Variants in UNC13C observed in about 807,000 individuals in gnomAD.
The protein encoded by UNC13C is protein unc-13 homolog C.
UNC13C carries 174 observed loss-of-function variants against 245.4 expected under a neutral mutation model. The ratio of observed to expected loss-of-function variants is 0.71; its 90% CI spans 0.63 to 0.80. The LOEUF is 0.80. Among genes scored for constraint, UNC13C ranks in the 30% least tolerant of loss-of-function variants. The pLI is 0.00. For synonymous variants in UNC13C, 992 were observed against 895.1 expected (o/e 1.11, Z -1.93); for missense variants, 2,829 against 2,602.9 (o/e 1.09, Z -1.89).
At chr15:54,205,646 GA>G (rs1026492591) in intron 4 of UNC13C, among the ~76,000 whole-genome samples, 1 of 151,992 alleles carries the variant, frequency 6.6e-6, no homozygotes, top group African/African-American at 2.4e-5. Context: ...TGGAGCAACA[GA>G]AAACAGGCCC....
At position 53,985,325 on chromosome 15, in the gene UNC13C, A is replaced by G. The variant is rs1420331862; in HGVS notation, c.-257+6398A>G. 2.2e-5 allele frequency among the ~76,000 whole-genome samples: 3 copies of G among 136,554 alleles called. No homozygotes were observed. In the East Asian group the frequency reaches 6.8e-4, roughly 31 times the overall value. 89.6% of individuals were successfully genotyped at this position (136,554 alleles called of 152,430 possible). A position where few individuals can be genotyped will look rare whatever the true frequency, so the allele number is the denominator to read the frequency against. On this transcript the variant is annotated intron_variant, in intron 1 of 32. Coordinates refer to ENST00000260323, the MANE Select transcript of UNC13C (RefSeq NM_001080534.3). ...GTATTCCATGGTGTATATGTGCCAC[A>G]TTTTCTTTTTTTTTTTCTTGGTTCT...
At chr15:54,071,396 A>G (rs1227331776) in intron 2 of UNC13C, among the ~76,000 whole-genome samples, 1 of 152,200 alleles carries the variant, frequency 6.6e-6, no homozygotes, top group African/African-American at 2.4e-5. Context: ...GGGTATTGTT[A>G]CTATTTTCTA....
At chr15:54,441,553 G>A (rs1039859441) in intron 19 of UNC13C, among the ~76,000 whole-genome samples, 16 of 151,996 alleles carry the variant, frequency 1.1e-4, no homozygotes, top group African/African-American at 3.9e-4. Flanking sequence ...TGTTCTATGT[G>A]TCTGTTTTCA....
chr15:54,629,944 G>A (rs972001991), downstream of UNC13C: 2 of 152,052 alleles, frequency 1.3e-5, no homozygotes, highest in African/African-American at 4.8e-5. Flanking sequence ...AAATTCTGTA[G>A]ACTCTGTTTT....
intron 23 of UNC13C, among the ~76,000 whole-genome samples, chr15:54,511,294 A>C (rs1380198799): frequency 6.6e-6 from 1 of 152,186 alleles, no homozygotes; most frequent in Non-Finnish European, 1.5e-5. Context: ...GAATACCAGC[A>C]TGTGGTCTTT....
intron 17 of UNC13C, among the ~76,000 whole-genome samples, chr15:54,379,433 T>C (rs898703908): frequency 1.3e-5 from 2 of 152,160 alleles, no homozygotes; most frequent in Admixed American, 6.6e-5. Flanking sequence ...ATTACTCTTG[T>C]TTCTAAAAAG....
chr15:54,382,627 A>C (rs2039751909), intron 17 of UNC13C, among the ~76,000 whole-genome samples: 1 of 152,054 alleles, frequency 6.6e-6, no homozygotes, highest in South Asian at 2.1e-4. Flanking sequence ...AAGATTTCAA[A>C]TAGTCTCATT....
Position 54,014,211 on chromosome 15 carries a change from T to A in UNC13C, c.1308T>A (p.Thr436=). The A allele has an allele frequency of 6.2e-7, 1 of 1,613,878 alleles. No individual in the cohort carries two copies. The change falls in exon 2 of 33, where the codon ACT becomes ACA. Residue 436 remains threonine (T), a synonymous_variant. Coordinates refer to ENST00000260323, the MANE Select transcript of UNC13C (RefSeq NM_001080534.3). ...AGAGCATGGCTATAAAGTTGTCTAC[T>A]CCAGAGCCAAAAATCAAGAAGAACA... ...TYESMAIKLS[T]PEPKIKKNNW... is the part of the protein sequence containing the mutation.
chr15:54,067,756 T>C (rs547692158), intron 2 of UNC13C, among the ~76,000 whole-genome samples: 7 of 152,226 alleles, frequency 4.6e-5, no homozygotes, highest in Non-Finnish European at 1.0e-4. Flanking sequence ...TCCTAAGTCC[T>C]GACACCTCTA....
intron 4 of UNC13C, among the ~76,000 whole-genome samples, chr15:54,204,315 A>AAC (rs1368145354): frequency 6.6e-6 from 1 of 150,840 alleles, no homozygotes; most frequent in African/African-American, 2.4e-5. Flanking sequence ...TGAAAAAAAA[A>AAC]AAAAAACCAA....
At position 54,574,855 on chromosome 15, in the gene UNC13C, A is replaced by AAGT. The variant is rs201455666; in HGVS notation, c.6106+6911_6106+6913dup. Among the ~76,000 whole-genome samples, 152 of 152,230 alleles carry AAGT rather than the reference A, an allele frequency of 1.0e-3. No individual in the cohort carries two copies. In the East Asian group the frequency reaches 0.011, roughly 11 times the overall value. On this transcript the variant is annotated intron_variant, in intron 30 of 32. Coordinates refer to ENST00000260323, the MANE Select transcript of UNC13C (RefSeq NM_001080534.3). The stretch of plus-strand genomic sequence containing the variant: ...CATTTTAATAACCTGTATCCTGCTG[A>AAGT]AGTAGAGTATAATGTATTTTAATTT...
intron 23 of UNC13C, among the ~76,000 whole-genome samples, chr15:54,509,791 C>G (rs1894653557): frequency 6.6e-6 from 1 of 152,128 alleles, no homozygotes; most frequent in Admixed American, 6.6e-5. Flanking sequence ...ATAATCTGTT[C>G]CCAGTAGCAG....
At chr15:54,413,016 T>C (rs935827447) in intron 18 of UNC13C, among the ~76,000 whole-genome samples, 8 of 152,176 alleles carry the variant, frequency 5.3e-5, no homozygotes, top group African/African-American at 1.9e-4. Flanking sequence ...CTTTTCAGCA[T>C]CTATTGAGAT....
chr15:53,999,405 T>C (rs1457372751), intron 1 of UNC13C, among the ~76,000 whole-genome samples: 1 of 151,974 alleles, frequency 6.6e-6, no homozygotes, highest in Non-Finnish European at 1.5e-5. Flanking sequence ...ACTGAATTTA[T>C]TGACATAAAG....
the UNC13C span, among the ~76,000 whole-genome samples, chr15:53,850,170 C>T: frequency 2.0e-5 from 3 of 152,140 alleles, no homozygotes; most frequent in East Asian, 5.8e-4. Flanking sequence ...AATCCTGACA[C>T]TTTGGGAGGA....
At chr15:54,468,877 G>T (rs1257735509) in intron 19 of UNC13C, among the ~76,000 whole-genome samples, 2 of 151,544 alleles carry the variant, frequency 1.3e-5, no homozygotes, top group Non-Finnish European at 3.0e-5. Flanking sequence ...ATCCAGTAGT[G>T]TGATGCTTCT....
chr15:54,151,393 G>GA (rs1405302683), intron 4 of UNC13C, among the ~76,000 whole-genome samples: 8 of 152,086 alleles, frequency 5.3e-5, no homozygotes, highest in African/African-American at 1.9e-4. Context: ...CTCATTATAT[G>GA]AAAACTACTC....
chr15:54,596,495 C>T (rs188266777), intron 30 of UNC13C, among the ~76,000 whole-genome samples: 5 of 152,236 alleles, frequency 3.3e-5, no homozygotes, highest in Admixed American at 2.6e-4. Flanking sequence ...TAAGCATATG[C>T]ACACACACGT....
intron 4 of UNC13C, among the ~76,000 whole-genome samples, chr15:54,216,453 G>A (rs2035041661): frequency 6.6e-6 from 1 of 151,986 alleles, no homozygotes; most frequent in East Asian, 1.9e-4. Flanking sequence ...TGGATATATT[G>A]TCTTGAAATT....
Sources: gnomAD v4.1 joint callset for allele counts (sites outside exome capture counted in the v4.1 genomes callset) on GRCh38, gnomAD v4.1.1 for gene constraint, MANE v1.5 for transcripts, NCBI Gene and HGNC (gene_info 2026-07-23, HGNC 2026-07-21) for gene names.